Variants in LRRC4C observed in about 807,000 individuals in gnomAD.
LRRC4C encodes leucine-rich repeat-containing protein 4C.
LRRC4C carries 5 observed loss-of-function variants against 33.6 expected under a neutral mutation model. The ratio of observed to expected loss-of-function variants is 0.15; its 90% CI spans 0.08 to 0.31. LRRC4C has a LOEUF of 0.31. LRRC4C is among the 10% of genes least tolerant of loss of function. The pLI, the probability that LRRC4C is intolerant of heterozygous loss-of-function variation, is 1.00. For synonymous variants in LRRC4C, 329 were observed against 302.0 expected, an observed-to-expected ratio of 1.09 and a Z score of -0.93; for missense variants, 560 against 796.7, an observed-to-expected ratio of 0.70 and a Z score of 3.58.
intron 5 of LRRC4C, among the ~76,000 whole-genome samples, chr11:40,233,571 G>T (rs546132301): frequency 6.6e-6 from 1 of 152,046 alleles, no homozygotes; most frequent in East Asian, 1.9e-4. Context: ...TTTTAAAAAA[G>T]ACAAAAATAA....
chr11:41,390,745 C>A (rs1379436421), intron 1 of LRRC4C, among the ~76,000 whole-genome samples: 2 of 151,714 alleles, frequency 1.3e-5, no homozygotes, highest in African/African-American at 4.8e-5. Flanking sequence ...CACTTTCTAC[C>A]ATCAAAATAT....
intron 3 of LRRC4C, among the ~76,000 whole-genome samples, chr11:40,348,117 A>T (rs1378969141): frequency 6.6e-6 from 1 of 152,214 alleles, no homozygotes. Context: ...AACATCAAAG[A>T]TCACAGAGCA....
chr11:41,036,649 A>C (rs1314398453), intron 1 of LRRC4C, among the ~76,000 whole-genome samples: 1 of 107,980 alleles, frequency 9.3e-6, no homozygotes, highest in African/African-American at 2.9e-5. Context: ...TGTTGAAGGA[A>C]GCATTTTTTA....
At chr11:40,503,490 C>A (rs1399182232) in intron 3 of LRRC4C, among the ~76,000 whole-genome samples, 2 of 152,154 alleles carry the variant, frequency 1.3e-5, no homozygotes, top group African/African-American at 2.4e-5. Flanking sequence ...TACTGTGAAA[C>A]CCTGAAGTAA....
chr11:41,046,387 C>T (rs924629657), intron 1 of LRRC4C, among the ~76,000 whole-genome samples: 1 of 151,956 alleles, frequency 6.6e-6, no homozygotes, highest in East Asian at 1.9e-4. Flanking sequence ...TTTGGGGACC[C>T]GGAGGGATTA....
At chr11:41,007,564 A>C (rs1476648431) in intron 1 of LRRC4C, among the ~76,000 whole-genome samples, 1 of 152,140 alleles carries the variant, frequency 6.6e-6, no homozygotes, top group African/African-American at 2.4e-5. Context: ...ATATGCAGAG[A>C]TATATGTACA....
At chr11:40,313,881 G>A (rs990596155) in intron 4 of LRRC4C, among the ~76,000 whole-genome samples, 1 of 151,918 alleles carries the variant, frequency 6.6e-6, no homozygotes, top group Non-Finnish European at 1.5e-5. Flanking sequence ...CCAAAGTGCT[G>A]GGATTACAGG....
At chr11:41,152,990 T>G (rs144247027) in intron 1 of LRRC4C, among the ~76,000 whole-genome samples, 142 of 152,312 alleles carry the variant, frequency 9.3e-4, no homozygotes, top group African/African-American at 3.4e-3. Context: ...TGCCATGAGC[T>G]TCTCATGTCT....
chr11:40,248,218 C>G (rs1590814130), intron 4 of LRRC4C, among the ~76,000 whole-genome samples: 1 of 152,114 alleles, frequency 6.6e-6, no homozygotes, highest in Non-Finnish European at 1.5e-5. Context: ...TTTTCAACAC[C>G]TCTTCACCCT....
At chr11:40,118,880 G>A (rs991604721) in intron 6 of LRRC4C, among the ~76,000 whole-genome samples, 14 of 152,100 alleles carry the variant, frequency 9.2e-5, no homozygotes, top group African/African-American at 2.7e-4. Flanking sequence ...GATAATGAGA[G>A]GTTAATATGG....
At chr11:40,340,130 C>G (rs922245912) in intron 3 of LRRC4C, among the ~76,000 whole-genome samples, 1 of 151,960 alleles carries the variant, frequency 6.6e-6, no homozygotes, top group African/African-American at 2.4e-5. Flanking sequence ...CTTCTTTATC[C>G]CCCTTCCCAC....
chr11:40,856,285 G>C (rs1455442997), intron 2 of LRRC4C, among the ~76,000 whole-genome samples: 1 of 152,152 alleles, frequency 6.6e-6, no homozygotes, highest in Non-Finnish European at 1.5e-5. Context: ...ATAAAAGAAA[G>C]ACATTTTGTA....
At chr11:40,516,586 C>T (rs1376731148) in intron 3 of LRRC4C, among the ~76,000 whole-genome samples, 1 of 152,010 alleles carries the variant, frequency 6.6e-6, no homozygotes, top group East Asian at 1.9e-4. Context: ...GCAAACTAGG[C>T]ACATGGCTAG....
intron 1 of LRRC4C, among the ~76,000 whole-genome samples, chr11:41,178,413 A>G (rs760004706): frequency 1.3e-5 from 2 of 152,114 alleles, no homozygotes; most frequent in Non-Finnish European, 2.9e-5. Context: ...TGGCGTGATC[A>G]TGTAATCATA....
At chr11:40,208,328 T>C (rs1393941222) in intron 5 of LRRC4C, among the ~76,000 whole-genome samples, 2 of 152,164 alleles carry the variant, frequency 1.3e-5, no homozygotes, top group African/African-American at 2.4e-5. Context: ...GGAAGTCAAT[T>C]GAAATTCTAC....
intron 5 of LRRC4C, among the ~76,000 whole-genome samples, chr11:40,165,385 G>T (rs569260076): frequency 2.0e-5 from 3 of 152,218 alleles, no homozygotes; most frequent in East Asian, 3.9e-4. Context: ...GTGTGTGTAT[G>T]TGTCTATGTT....
intron 3 of LRRC4C, among the ~76,000 whole-genome samples, chr11:40,457,949 G>A (rs982785929): frequency 6.6e-6 from 1 of 152,060 alleles, no homozygotes; most frequent in African/African-American, 2.4e-5. Flanking sequence ...TTATGTGACT[G>A]AGTAGAACAA....
chr11:41,428,749 C>T (rs1955131149), intron 1 of LRRC4C, among the ~76,000 whole-genome samples: 1 of 152,054 alleles, frequency 6.6e-6, no homozygotes, highest in African/African-American at 2.4e-5. Context: ...CTTTCTTTTC[C>T]CCACAAGTAT....
intron 1 of LRRC4C, among the ~76,000 whole-genome samples, chr11:40,955,237 G>C (rs1236260952): frequency 6.6e-6 from 1 of 151,798 alleles, no homozygotes; most frequent in African/African-American, 2.4e-5. Context: ...CAAAGCAGGG[G>C]ACAAACGTGT....
Sources: allele counts gnomAD v4.1 joint callset (sites outside exome capture counted in the v4.1 genomes callset), GRCh38; gene constraint gnomAD v4.1.1; transcripts MANE v1.5; gene names NCBI Gene and HGNC (gene_info 2026-07-23, HGNC 2026-07-21).